The following RAB4B variants were observed in gnomAD, a reference collection of about 807,000 sequenced individuals.
RAB4B encodes the protein ras-related protein Rab-4B.
A neutral mutation model predicts 28.3 loss-of-function variants in RAB4B; 15 were observed. The observed-to-expected ratio is 0.53, with a 90% CI of 0.35 to 0.82. RAB4B has a LOEUF of 0.82. Among genes scored for constraint, RAB4B ranks in the 40% least tolerant of loss-of-function variants. The pLI is 0.01. For missense variants in RAB4B, 244 were observed against 288.5 expected (o/e 0.85, Z 1.12); for synonymous variants, 108 against 116.3 (o/e 0.93, Z 0.46).
intron 3 of RAB4B, among the ~76,000 whole-genome samples, chr19:40,783,329 T>C (rs1443557791): frequency 6.6e-6 from 1 of 150,754 alleles, no homozygotes; most frequent in Non-Finnish European, 1.5e-5. Flanking sequence ...AGACACTACA[T>C]AGGCTGAGGT....
chr19:40,793,267 C>G (rs894440964), intron 7 of RAB4B, among the ~76,000 whole-genome samples: 12 of 151,766 alleles, frequency 7.9e-5, no homozygotes, highest in African/African-American at 2.9e-4. Flanking sequence ...AAGGGTCTCA[C>G]TTTGTCACCC....
At chr19:40,791,171 A>G (rs1568495228) in intron 7 of RAB4B, among the ~76,000 whole-genome samples, 1 of 151,738 alleles carries the variant, frequency 6.6e-6, no homozygotes, top group Non-Finnish European at 1.5e-5. Context: ...TGTATTTTTA[A>G]TACAGACAGG....
intron 7 of RAB4B, among the ~76,000 whole-genome samples, chr19:40,790,543 T>G (rs2083147871): frequency 6.8e-6 from 1 of 147,994 alleles, no homozygotes; most frequent in African/African-American, 2.5e-5. Flanking sequence ...GCTAATTTTT[T>G]GTATTTTTTT....
chr19:40,780,433 TG>T lies in RAB4B; in HGVS notation c.148del (p.Val50SerfsTer8). On this transcript the variant is annotated frameshift_variant, in exon 3 of 8. Transcript: ENST00000357052. LOFTEE classifies it high-confidence loss of function. ...ATCGGCGTGGAGTTTGGATCCCGGG[TG>T]GTCAACGTGGGTGGGAAGACTGTGA... ...HTIGVEFGSRVVNVGGKTVKL... is the reference protein window; with the variant it reads ...HTIGVEFGSRXVNVGGKTVKL... 1.2e-6 allele frequency: 2 copies of T among 1,613,162 alleles called. No individual in the cohort carries two copies. The highest frequency in any genetic ancestry group is 1.7e-6 in the Non-Finnish European group (2 of 1,179,686).
intron 7 of RAB4B, among the ~76,000 whole-genome samples, chr19:40,795,030 G>T (rs546692434): frequency 6.6e-6 from 1 of 150,856 alleles, no homozygotes; most frequent in African/African-American, 2.4e-5. Context: ...TTAGCCAGGC[G>T]TGGTGGCAAG....
intron 5 of RAB4B, chr19:40,785,865 G>C (rs944206497): frequency 6.4e-6 from 1 of 156,394 alleles, no homozygotes; most frequent in African/African-American, 2.4e-5. Context: ...ACCTCAGGAA[G>C]GTCAGGGCTT....
chr19:40,782,350 C>G (rs1431494288), intron 3 of RAB4B, among the ~76,000 whole-genome samples: 1 of 152,000 alleles, frequency 6.6e-6, no homozygotes, highest in African/African-American at 2.4e-5. Flanking sequence ...CCACCTGACA[C>G]AGCAGGAGAA....
Position 40,778,256 on chromosome 19 carries a change from G to C in RAB4B, c.-120G>C, listed in dbSNP as rs1357397714. 8.5e-6 allele frequency: 8 copies of C among 946,410 alleles called. No homozygotes were observed. The highest frequency in any genetic ancestry group is 1.2e-5 in the Non-Finnish European group (8 of 671,778). 58.6% of individuals were successfully genotyped at this position (946,410 alleles called of 1,614,324 possible). ...GGAGGGGGGCGGAGGCGGAAGTGGC[G>C]GTGCCGGGCCCGGGGAGTAGGAAGG... is the stretch of plus-strand genomic sequence containing the variant. On this transcript the variant is annotated 5_prime_UTR_variant, in exon 1 of 8. Coordinates refer to ENST00000357052, the MANE Select transcript of RAB4B (RefSeq NM_016154.5).
chr19:40,787,414 A>G (rs2083111063), intron 7 of RAB4B, among the ~76,000 whole-genome samples: 1 of 151,992 alleles, frequency 6.6e-6, no homozygotes, highest in Non-Finnish European at 1.5e-5. Flanking sequence ...AGGTGCCTGT[A>G]ATCCCAGCTA....
At chr19:40,787,481 G>C (rs1480739788) in intron 7 of RAB4B, among the ~76,000 whole-genome samples, 8 of 151,928 alleles carry the variant, frequency 5.3e-5, no homozygotes, top group Non-Finnish European at 7.4e-5. Flanking sequence ...GTTGCAGTGA[G>C]CTGAGATCAC....
intron 7 of RAB4B, among the ~76,000 whole-genome samples, chr19:40,794,277 A>T (rs530006154): frequency 6.6e-6 from 1 of 152,064 alleles, no homozygotes; most frequent in East Asian, 1.9e-4. Context: ...GGGTTTCAAC[A>T]TGTTGGCCAG....
intron 7 of RAB4B, among the ~76,000 whole-genome samples, chr19:40,795,582 T>G (rs2083202323): frequency 6.6e-6 from 1 of 151,586 alleles, no homozygotes; most frequent in Non-Finnish European, 1.5e-5. Context: ...GTATTTTTAG[T>G]AGAGACGGGG....
At chr19:40,796,150 C>CCA (rs1342917021) in intron 7 of RAB4B, 2 of 152,272 alleles carry the variant, frequency 1.3e-5, no homozygotes, top group African/African-American at 4.8e-5. Flanking sequence ...CTGGTGCATG[C>CCA]CACTACACCT....
intron 3 of RAB4B, 132 bp from the exon 4 acceptor site, chr19:40,783,646 A>G (rs533585520): frequency 2.5e-6 from 2 of 784,828 alleles, no homozygotes; most frequent in South Asian, 3.1e-5. Flanking sequence ...TGACCCGACC[A>G]AGGCCAGGTT....
intron 7 of RAB4B, among the ~76,000 whole-genome samples, chr19:40,789,767 G>A (rs2083139783): frequency 1.3e-5 from 2 of 152,188 alleles, no homozygotes; most frequent in Non-Finnish European, 2.9e-5. Flanking sequence ...CCAAAGTGCT[G>A]GGATTACAGG....
intron 5 of RAB4B, chr19:40,785,809 T>A (rs1433326491): frequency 6.5e-6 from 1 of 153,478 alleles, no homozygotes; most frequent in African/African-American, 2.4e-5. Context: ...GAGCTCACAG[T>A]TCAGTGGGTG....
chr19:40,787,853 T>C (rs1326533559), intron 7 of RAB4B, among the ~76,000 whole-genome samples: 1 of 148,830 alleles, frequency 6.7e-6, no homozygotes, highest in Non-Finnish European at 1.5e-5. Context: ...TCCCAGCTAC[T>C]TGGGAGACTG....
At chr19:40,787,018 TG>T (rs2083106540) in intron 7 of RAB4B, 40 bp downstream of exon 7, 7 of 1,527,052 alleles carry the variant, frequency 4.6e-6, no homozygotes, top group Non-Finnish European at 6.3e-6. Context: ...GGCGGCCTCT[TG>T]GGCATGGGGG....
chr19:40,781,112 T>TA (rs941942424), intron 3 of RAB4B, among the ~76,000 whole-genome samples: 1,818 of 76,622 alleles, frequency 0.024, 23 homozygotes, highest in African/African-American at 0.025. Context: ...GTGTCTCTAC[T>TA]AAAAAAAAAA....
Sources: allele counts gnomAD v4.1 joint callset (sites outside exome capture counted in the v4.1 genomes callset), GRCh38; gene constraint gnomAD v4.1.1; transcripts MANE v1.5; gene names NCBI Gene and HGNC (gene_info 2026-07-23, HGNC 2026-07-21).